FSIP2: variants seen among roughly 807,000 people sequenced by gnomAD.
The protein encoded by FSIP2 is fibrous sheath interacting protein 2, also known as fibrous sheath-interacting protein 2.
A neutral mutation model predicts 510.5 loss-of-function variants in FSIP2; 367 were observed. That is an observed-to-expected ratio of 0.72 (90% confidence interval 0.66 to 0.78). The LOEUF is 0.78. FSIP2 is among the 30% of genes least tolerant of loss of function. The pLI, the probability that FSIP2 is intolerant of heterozygous loss-of-function variation, is 0.00. For synonymous variants in FSIP2, 2,601 were observed against 2,732.2 expected (o/e 0.95, Z 1.50); for missense variants, 7,594 against 7,901.7 (o/e 0.96, Z 1.48).
intron 19 of FSIP2, among the ~76,000 whole-genome samples, chr2:185,820,037 A>C (rs888158811): frequency 3.3e-5 from 5 of 151,874 alleles, no homozygotes; most frequent in Non-Finnish European, 5.9e-5. Flanking sequence ...AACTAAACAA[A>C]ATTGGGAAAT....
intron 13 of FSIP2, among the ~76,000 whole-genome samples, chr2:185,770,389 G>A (rs986767808): frequency 7.9e-5 from 12 of 152,102 alleles, no homozygotes; most frequent in African/African-American, 2.9e-4. Context: ...TACACGCACG[G>A]CACCAGAATT....
At position 185,804,526 on chromosome 2, in the gene FSIP2, G is replaced by C. The variant is rs537852813; in HGVS notation, c.15220G>C (p.Val5074Leu). 2.0e-6 allele frequency: 3 copies of C among 1,519,378 alleles called. No homozygotes were observed. In the Admixed American group the frequency reaches 6.2e-5, roughly 32 times the overall value. 94.1% of individuals were successfully genotyped at this position (1,519,378 alleles called of 1,614,324 possible). A position where few individuals can be genotyped will look rare whatever the true frequency, so the allele number is the denominator to read the frequency against. Residue 5074 changes from valine (V) to leucine (L), a missense_variant, in exon 17 of 23, where the codon GTT becomes CTT. Transcript: ENST00000424728. ...EIYDYQVQSL[V>L]SGELESSSYS... The stretch of plus-strand genomic sequence containing the variant: ...ATATGATTATCAAGTGCAGTCATTA[G>C]TTTCAGGAGAATTAGAGTCTTCTTC...
At position 185,804,610 on chromosome 2, in the gene FSIP2, G is replaced by A. The variant is rs1474449427; in HGVS notation, c.15304G>A (p.Asp5102Asn). Reference protein sequence around the residue: ...IRNVLNIITKDSHALPPYITV... With the variant: ...IRNVLNIITKNSHALPPYITV... Reference sequence around the variant, plus strand: ...AAATGTGCTTAACATAATCACAAAGGATAGCCATGCCTTGCCACCATATAT... The same window carrying A: ...AAATGTGCTTAACATAATCACAAAGAATAGCCATGCCTTGCCACCATATAT... Residue 5102 changes from aspartate to asparagine, a missense_variant, in exon 17 of 23, where the codon GAT (aspartate) becomes AAT (asparagine). By Grantham distance (23) the Asp-to-Asn change is conservative (BLOSUM62 1). Transcript: ENST00000424728. The A allele has an allele frequency of 3.3e-6, 5 of 1,533,150 alleles. No homozygotes were observed. Among genetic ancestry groups the A allele is most frequent in the Non-Finnish European group, 4.4e-6 (5 of 1,144,906 alleles). The allele number at this position is 1,533,150 out of a possible 1,614,324, so 95.0% of individuals were successfully genotyped here. A position where few individuals can be genotyped will look rare whatever the true frequency, so the allele number is the denominator to read the frequency against.
At chr2:185,751,680 T>C (rs1692151688) in intron 7 of FSIP2, among the ~76,000 whole-genome samples, 1 of 151,484 alleles carries the variant, frequency 6.6e-6, no homozygotes, top group Non-Finnish European at 1.5e-5. Context: ...CCTTTTTCTT[T>C]TGATTTTTAA....
At position 185,795,818 on chromosome 2, in the gene FSIP2, G is replaced by A; in HGVS notation, c.8682G>A (p.Arg2894=). 6.5e-7 allele frequency: 1 copy of A among 1,533,832 alleles called. No individual in the cohort carries two copies. Residue 2894 remains arginine (R), a synonymous_variant, in exon 16 of 23, where the codon AGG becomes AGA. Transcript: ENST00000424728. ...CCCCTCTTGAGAATTGTGAAAGCAG[G>A]TTTTATAATCATTTTAAAGGAGCTT... is the stretch of plus-strand genomic sequence containing the variant. ...NLPPLENCES[R]FYNHFKGAST...
At chr2:185,831,767 T>C in intron 21 of FSIP2, 46 bp from the exon 22 acceptor site, 1 of 1,224,784 alleles carries the variant, frequency 8.2e-7, no homozygotes, top group Non-Finnish European at 1.2e-6. Flanking sequence ...ATCTAGTGTT[T>C]GTGTCCAGTG....
chr2:185,797,554 T>C, intron 16 of FSIP2, 28 bp downstream of exon 16: 1 of 1,469,868 alleles, frequency 6.8e-7, no homozygotes. Context: ...TACCTAAAAA[T>C]TTGCATGATT....
At position 185,791,032 on chromosome 2, in the gene FSIP2, T is replaced by C. The variant is rs1693110780; in HGVS notation, c.3896T>C (p.Val1299Ala). 6.5e-7 allele frequency: 1 copy of C among 1,532,096 alleles called. No individual in the cohort carries two copies. Among genetic ancestry groups the C allele is most frequent in the Non-Finnish European group, 8.7e-7 (1 of 1,144,564 alleles). The allele number at this position is 1,532,096 out of a possible 1,614,324, so 94.9% of individuals were successfully genotyped here. Residue 1299 changes from valine (V) to alanine (A), a missense_variant, in exon 16 of 23, where the codon GTA becomes GCA. Val to Ala is a moderately conservative substitution (Grantham distance 64). Coordinates refer to ENST00000424728, the MANE Select transcript of FSIP2 (RefSeq NM_173651.4). ...CTTAGTAAGTACACAGCTAAAATAG[T>C]AAACATTGTTTTATGTGCTATCCAG... ...SQLSKYTAKI[V>A]NIVLCAIQNE...
At chr2:185,739,110 C>A (rs999775394) in intron 1 of FSIP2, 117 bp downstream of exon 1, 1 of 1,339,230 alleles carries the variant, frequency 7.5e-7, no homozygotes, top group Non-Finnish European at 9.9e-7. Flanking sequence ...CGTCAGGAGG[C>A]TGCCCTCTTG....
At chr2:185,763,362 A>G (rs1018539137) in intron 12 of FSIP2, 73 bp downstream of exon 12, 12 of 715,630 alleles carry the variant, frequency 1.7e-5, no homozygotes, top group Non-Finnish European at 2.7e-5. Context: ...TAATTGGTAT[A>G]AAATGTCATG....
chr2:185,809,416 A>G (rs1398015975), intron 17 of FSIP2, among the ~76,000 whole-genome samples: 1 of 152,092 alleles, frequency 6.6e-6, no homozygotes, highest in East Asian at 1.9e-4. Flanking sequence ...TACCCTTCAC[A>G]GTAAAACCAG....
At chr2:185,765,243 GT>G (rs1692443195) in intron 13 of FSIP2, 1 of 152,024 alleles carries the variant, frequency 6.6e-6, no homozygotes, top group South Asian at 2.1e-4. Context: ...AACTTGATAT[GT>G]GTATATACAG....
rs1021155749 is a variant in FSIP2, at chr2:185,801,169, G to A, written c.11863G>A (p.Val3955Ile). Reference protein sequence around the residue: ...ERQRTKEMDKVAIHNKLHQEG... With the variant: ...ERQRTKEMDKIAIHNKLHQEG... The stretch of plus-strand genomic sequence containing the variant: ...ACAGAGAACAAAGGAAATGGATAAG[G>A]TAGCCATTCATAATAAGCTACATCA... Residue 3955 changes from valine (V) to isoleucine (I), a missense_variant, in exon 17 of 23, where the codon GTA becomes ATA. By Grantham distance (29) the Val-to-Ile change is conservative (BLOSUM62 3). Transcript: ENST00000424728. 2 of 1,533,564 alleles carry A rather than the reference G, an allele frequency of 1.3e-6. No homozygotes were observed. Among genetic ancestry groups the A allele is most frequent in the African/African-American group, 2.7e-5 (2 of 72,840 alleles). The allele number at this position is 1,533,564 out of a possible 1,614,324, so 95.0% of individuals were successfully genotyped here. A position where few individuals can be genotyped will look rare whatever the true frequency, so the allele number is the denominator to read the frequency against.
At chr2:185,773,702 T>C (rs1692658303) in intron 13 of FSIP2, among the ~76,000 whole-genome samples, 1 of 152,190 alleles carries the variant, frequency 6.6e-6, no homozygotes, top group Non-Finnish European at 1.5e-5. Context: ...TCCCCCTCAT[T>C]AAATGTTTCC....
chr2:185,801,302 C>T lies in FSIP2; in HGVS notation c.11996C>T (p.Thr3999Ile). 2.0e-6 allele frequency: 3 copies of T among 1,533,486 alleles called. No homozygotes were observed. Among genetic ancestry groups the T allele is most frequent in the South Asian group, 1.2e-5 (1 of 83,944 alleles). 95.0% of individuals were successfully genotyped at this position (1,533,486 alleles called of 1,614,324 possible). Residue 3999 changes from threonine (T) to isoleucine (I), a missense_variant, in exon 17 of 23, where the codon ACT becomes ATT. Coordinates refer to ENST00000424728, the MANE Select transcript of FSIP2 (RefSeq NM_173651.4). ...TTGTGGGGCAAAAATAAAAACATCA[C>T]TGTGTCCTGGCTCAATGAGATGAAT... is the stretch of plus-strand genomic sequence containing the variant. The part of the protein sequence containing the change: ...MSLWGKNKNI[T>I]VSWLNEMNTL...
chr2:185,781,786 G>T (rs1315634969), intron 13 of FSIP2, among the ~76,000 whole-genome samples: 8 of 151,774 alleles, frequency 5.3e-5, no homozygotes, highest in Admixed American at 5.2e-4. Context: ...CCACAGAAGA[G>T]ATTTTTTGTA....
In FSIP2 at chr2:185,795,166, C is replaced by CA. The variant is rs755234663; in HGVS notation, c.8038dup (p.Thr2680AsnfsTer9). ...AAAATTACCACTTTGCCTAAATTTA[C>CA]AAAAAAAACACACTTAGGACTGAGT... On this transcript the variant is annotated frameshift_variant, in exon 16 of 23. Coordinates refer to ENST00000424728, the MANE Select transcript of FSIP2 (RefSeq NM_173651.4). LOFTEE classifies it high-confidence loss of function. 7.4e-5 allele frequency: 114 copies of CA among 1,532,624 alleles called. No homozygotes were observed. Among genetic ancestry groups the CA allele is most frequent in the Middle Eastern group, 1.7e-4 (1 of 5,968 alleles). The allele number at this position is 1,532,624 out of a possible 1,614,324, so 94.9% of individuals were successfully genotyped here. A position where few individuals can be genotyped will look rare whatever the true frequency, so the allele number is the denominator to read the frequency against.
At position 185,789,870 on chromosome 2, in the gene FSIP2, A is replaced by G. The variant is rs1693078007; in HGVS notation, c.2734A>G (p.Ile912Val). The stretch of plus-strand genomic sequence containing the variant: ...TTATATAGAGGAAGCAATCAATGCT[A>G]TACTAGGTTATATACAAACTGAACT... ...VAYIEEAINA[I>V]LGYIQTELNN... Residue 912 changes from isoleucine (I) to valine (V), a missense_variant, in exon 16 of 23, where the codon ATA becomes GTA. Coordinates refer to ENST00000424728, the MANE Select transcript of FSIP2 (RefSeq NM_173651.4). 2.0e-6 allele frequency: 3 copies of G among 1,531,486 alleles called. No homozygotes were observed. Among genetic ancestry groups the G allele is most frequent in the African/African-American group, 1.4e-5 (1 of 72,832 alleles). The allele number at this position is 1,531,486 out of a possible 1,614,324, so 94.9% of individuals were successfully genotyped here. A position where few individuals can be genotyped will look rare whatever the true frequency, so the allele number is the denominator to read the frequency against.
At position 185,813,751 on chromosome 2, in the gene FSIP2, A is replaced by G. The variant is rs774857471; in HGVS notation, c.20034A>G (p.Glu6678=). ...TAACACAGACTTTTGCAAAAGAAGA[A>G]GGCATCAAAGTATTTGAAGATCAAG... ...VVLTQTFAKE[E]GIKVFEDQVK... The change falls in exon 18 of 23, where the codon GAA becomes GAG. Residue 6678 remains glutamate (E), a synonymous_variant. Coordinates refer to ENST00000424728, the MANE Select transcript of FSIP2 (RefSeq NM_173651.4). The G allele has an allele frequency of 4.1e-5, 66 of 1,612,392 alleles. No homozygotes were observed. In the Middle Eastern group the frequency reaches 4.9e-4, roughly 12 times the overall value.
Sources: gnomAD v4.1 joint callset for allele counts (sites outside exome capture counted in the v4.1 genomes callset) on GRCh38, gnomAD v4.1.1 for gene constraint, MANE v1.5 for transcripts, NCBI Gene and HGNC (gene_info 2026-07-23, HGNC 2026-07-21) for gene names.